The following GOLGB1 variants were observed in gnomAD, a reference collection of about 807,000 sequenced individuals.
GOLGB1 encodes the protein golgin subfamily B member 1.
A neutral mutation model predicts 336.9 loss-of-function variants in GOLGB1; 174 were observed. That is an observed-to-expected ratio of 0.52 (90% confidence interval 0.46 to 0.59). The LOEUF is 0.59. Ranked by LOEUF, GOLGB1 falls within the 20% of genes least tolerant of loss-of-function variation. The pLI, the probability that GOLGB1 is intolerant of heterozygous loss-of-function variation, is 0.00. For missense variants in GOLGB1, 3,331 were observed against 3,645.3 expected (o/e 0.91, Z 2.22); for synonymous variants, 1,208 against 1,289.2 (o/e 0.94, Z 1.35).
intron 14 of GOLGB1, 64 bp from the exon 15 acceptor site, chr3:121,681,929 T>C: frequency 9.0e-7 from 1 of 1,109,072 alleles, no homozygotes; most frequent in Non-Finnish European, 1.3e-6. Context: ...TGTAAGTCAT[T>C]GGTAGCTCCC....
In GOLGB1 at chr3:121,670,557, A is replaced by G. The variant is rs187379798; in HGVS notation, c.9178-1202T>C. 1.2e-3 allele frequency among the ~76,000 whole-genome samples: 187 copies of G among 152,266 alleles called. 1 individual carries two copies. The highest frequency in any genetic ancestry group is 4.2e-3 in the African/African-American group (174 of 41,552). On this transcript the variant is annotated intron_variant, in intron 17 of 21. Coordinates refer to ENST00000614479, the MANE Select transcript of GOLGB1 (RefSeq NM_001366282.2). ...ATTCTGAAGAGCAATGTTAGCTTAC[A>G]AAGTACTTTCACCAGTATCATCTTA...
chr3:121,688,842 C>G (rs543617329), intron 14 of GOLGB1, among the ~76,000 whole-genome samples: 139 of 152,124 alleles, frequency 9.1e-4, no homozygotes, highest in African/African-American at 3.3e-3. Flanking sequence ...GCCGCGACCC[C>G]GTCTGGGAGG....
chr3:121,694,666 G>A lies in GOLGB1; in HGVS notation c.5857C>T (p.Gln1953Ter). ...GNYCQDVTDA[Q>*]IKNELLESEM... ...GATTCCAATAGCTCATTTTTTATTTGGGCATCTGTAACATCCTGACAGTAA... is the reference window on the plus strand; with the variant it reads ...GATTCCAATAGCTCATTTTTTATTTAGGCATCTGTAACATCCTGACAGTAA... The change falls in exon 13 of 22, where the codon CAA (glutamine) becomes TAA (stop). Residue 1953 changes from glutamine to a stop codon, truncating the protein, a stop_gained. Transcript: ENST00000614479. LOFTEE classifies it high-confidence loss of function. 1 of 1,609,982 alleles carries A rather than the reference G, an allele frequency of 6.2e-7. No homozygotes were observed. The highest frequency in any genetic ancestry group is 8.5e-7 in the Non-Finnish European group (1 of 1,179,220).
chr3:121,721,446 T>C (rs965252749), intron 6 of GOLGB1, among the ~76,000 whole-genome samples: 3 of 152,012 alleles, frequency 2.0e-5, no homozygotes, highest in Non-Finnish European at 4.4e-5. Flanking sequence ...GGGCAACATA[T>C]TGAGAACCTG....
At position 121,719,667 on chromosome 3, in the gene GOLGB1, A is replaced by G. The variant is rs535748868; in HGVS notation, c.750T>C (p.Asp250=). 3.7e-6 allele frequency: 6 copies of G among 1,609,634 alleles called. No individual in the cohort carries two copies. The highest frequency in any genetic ancestry group is 2.7e-5 in the African/African-American group (2 of 74,728). The part of the protein sequence containing the change: ...DELLQLVTQA[D]VETEMQQKLR... ...ACACCTGTTGCATCTCTGTTTCCAC[A>G]TCTGCCTGGGTTACTAACTGAAGAA... Residue 250 remains aspartate (D), a synonymous_variant, in exon 7 of 22, where the codon GAT becomes GAC. Coordinates refer to ENST00000614479, the MANE Select transcript of GOLGB1 (RefSeq NM_001366282.2).
rs376146805 is a variant in GOLGB1 at position 121,695,804 on chromosome 3, G to A, written c.4719C>T (p.Ser1573=). ...CTAGAGCTAGTTTTAGACTTTCACA[G>A]GAGCTGCTGAGACTCTGATTTTCCA... The part of the protein sequence containing the change: ...SLLENQSLSS[S]CESLKLALEG... Residue 1573 remains serine (S), a synonymous_variant, in exon 13 of 22, where the codon TCC becomes TCT. Transcript: ENST00000614479. 1.7e-5 allele frequency: 27 copies of A among 1,613,668 alleles called. No individual in the cohort carries two copies. The highest frequency in any genetic ancestry group is 2.3e-5 in the Non-Finnish European group (27 of 1,179,990).
intron 1 of GOLGB1, among the ~76,000 whole-genome samples, chr3:121,731,707 C>T (rs2108302545): frequency 6.6e-6 from 1 of 152,158 alleles, no homozygotes; most frequent in South Asian, 2.1e-4. Context: ...AAATGTACAG[C>T]ATTAAATGCA....
rs559925085 is a variant in GOLGB1 at position 121,690,759 on chromosome 3, T to C, written c.8605A>G (p.Arg2869Gly). 1.1e-5 allele frequency: 17 copies of C among 1,581,896 alleles called. No homozygotes were observed. The highest frequency in any genetic ancestry group is 1.5e-5 in the Non-Finnish European group (17 of 1,166,598). Residue 2869 changes from arginine to glycine, a missense_variant, in exon 14 of 22, where the codon AGG becomes GGG. Transcript: ENST00000614479. ...CTGGTGGAAGGCTGAGCTGCAGACC[T>C]CTGCTTCCCTTCCTCTGACTTTCGA... is the stretch of plus-strand genomic sequence containing the variant. Reference protein sequence around the residue: ...KFRKSEEGKQRSAAQPSTSPA... With the variant: ...KFRKSEEGKQGSAAQPSTSPA...
Position 121,691,532 on chromosome 3 carries a change from C to T in GOLGB1, c.7832G>A (p.Ser2611Asn). The stretch of plus-strand genomic sequence containing the variant: ...TAGCTGGGATATAGATACTTTCAAA[C>T]TCTCAATCTCTTTAGATAAATCTTG... ...EKQDLSKEIE[S>N]LKVSISQLTR... is the part of the protein sequence containing the mutation. The change falls in exon 14 of 22, where the codon AGT becomes AAT. Residue 2611 changes from serine (S) to asparagine (N), a missense_variant. Ser to Asn is a conservative substitution (Grantham distance 46, BLOSUM62 1). Transcript: ENST00000614479. 6.2e-7 allele frequency: 1 copy of T among 1,612,444 alleles called. No individual in the cohort carries two copies. The highest frequency in any genetic ancestry group is 2.2e-5 in the East Asian group (1 of 44,870).
chr3:121,707,668 C>T (rs1944004100), intron 10 of GOLGB1, among the ~76,000 whole-genome samples: 2 of 150,986 alleles, frequency 1.3e-5, no homozygotes, highest in South Asian at 4.2e-4. Flanking sequence ...AAAAGTCCTT[C>T]AGATAGAAGA....
In GOLGB1 at chr3:121,696,939, A is replaced by G; in HGVS notation, c.3584T>C (p.Ile1195Thr). Residue 1195 changes from isoleucine (I) to threonine (T), a missense_variant, in exon 13 of 22, where the codon ATT becomes ACT. Transcript: ENST00000614479. ...LQEALTSRKAILKKAQEKERH... is the reference protein window; with the variant it reads ...LQEALTSRKATLKKAQEKERH... ...TTCTTTCTCCTGTGCCTTTTTAAGAATTGCCTTGCGGGAGGTTAAGGCTTC... is the reference window on the plus strand; with the variant it reads ...TTCTTTCTCCTGTGCCTTTTTAAGAGTTGCCTTGCGGGAGGTTAAGGCTTC... 1.2e-6 allele frequency: 2 copies of G among 1,613,960 alleles called. No homozygotes were observed. The highest frequency in any genetic ancestry group is 1.7e-6 in the Non-Finnish European group (2 of 1,179,962).
intron 10 of GOLGB1, among the ~76,000 whole-genome samples, chr3:121,705,343 G>GAGT (rs1406636138): frequency 6.6e-6 from 1 of 152,166 alleles, no homozygotes; most frequent in Non-Finnish European, 1.5e-5. Flanking sequence ...GCTAAAGACT[G>GAGT]AGTAACATGG....
chr3:121,712,817 G>C (rs2108062912), intron 10 of GOLGB1, among the ~76,000 whole-genome samples: 1 of 152,298 alleles, frequency 6.6e-6, no homozygotes, highest in East Asian at 1.9e-4. Context: ...CCAAATCTTG[G>C]AGAAGATGTG....
In GOLGB1 at chr3:121,681,201, A is replaced by G. The variant is rs1941031108; in HGVS notation, c.8873+486T>C. On this transcript the variant is annotated intron_variant, in intron 15 of 21. Coordinates refer to ENST00000614479, the MANE Select transcript of GOLGB1 (RefSeq NM_001366282.2). ...TGATGGATCTCAAGGGCATTATGGC[A>G]CATGAAAAAAGCCAATTTCAAAGGG... Among the ~76,000 whole-genome samples the G allele has an allele frequency of 2.6e-5, 4 of 152,336 alleles. No individual in the cohort carries two copies. The South Asian group carries it at 8.3e-4, about 32-fold the overall frequency.
chr3:121,683,053 A>ATTTTTTTTTTTT (rs746649684), intron 14 of GOLGB1, among the ~76,000 whole-genome samples: 1,208 of 82,466 alleles, frequency 0.015, 137 homozygotes, highest in East Asian at 0.033. Flanking sequence ...ATTTCTTTTA[A>ATTTTTTTTTTTT]TTTTTTTTTT....
chr3:121,712,077 A>G (rs1944401578), intron 10 of GOLGB1, among the ~76,000 whole-genome samples: 2 of 152,198 alleles, frequency 1.3e-5, no homozygotes, highest in Admixed American at 1.3e-4. Context: ...CTAACAACAA[A>G]CTACAATAAT....
Position 121,692,551 on chromosome 3 carries a change from G to A in GOLGB1, c.6813C>T (p.Ser2271=). 1 of 1,595,612 alleles carries A rather than the reference G, an allele frequency of 6.3e-7. No individual in the cohort carries two copies. The highest frequency in any genetic ancestry group is 1.1e-5 in the South Asian group (1 of 87,184). Residue 2271 remains serine (S), a synonymous_variant, in exon 14 of 22, where the codon TCC becomes TCT. Coordinates refer to ENST00000614479, the MANE Select transcript of GOLGB1 (RefSeq NM_001366282.2). The part of the protein sequence containing the change: ...RLEHDKQIWE[S]KAQTEVQLQQ... ...GAAGCTGGACCTCTGTCTGGGCCTT[G>A]GACTCCCAAATCTGCTTGTCATGTT...
intron 13 of GOLGB1, among the ~76,000 whole-genome samples, chr3:121,693,409 A>G (rs1008181518): frequency 9.2e-5 from 14 of 152,034 alleles, no homozygotes; most frequent in African/African-American, 3.4e-4. Flanking sequence ...AATTGCTTGA[A>G]CCCAGGAGGC....
Position 121,695,165 on chromosome 3 carries a change from G to A in GOLGB1, c.5358C>T (p.Asn1786=), listed in dbSNP as rs148721480. The part of the protein sequence containing the change: ...ANLEATEKHD[N]QTNVTEEGTQ... ...TTCCCTCTTCAGTGACATTCGTTTGGTTATCATGTTTCTCGGTGGCCTCTA... is the reference window on the plus strand; with the variant it reads ...TTCCCTCTTCAGTGACATTCGTTTGATTATCATGTTTCTCGGTGGCCTCTA... Residue 1786 remains asparagine, a synonymous_variant, in exon 13 of 22, where the codon AAC becomes AAT. Coordinates refer to ENST00000614479, the MANE Select transcript of GOLGB1 (RefSeq NM_001366282.2). 410 of 1,613,696 alleles carry A rather than the reference G, an allele frequency of 2.5e-4. No homozygotes were observed. The African/African-American group carries it at 3.6e-3, about 14-fold the overall frequency.
Sources: gnomAD v4.1 joint callset for allele counts (sites outside exome capture counted in the v4.1 genomes callset) on GRCh38, gnomAD v4.1.1 for gene constraint, MANE v1.5 for transcripts, NCBI Gene and HGNC (gene_info 2026-07-23, HGNC 2026-07-21) for gene names.